The following CITED2 variants were observed in gnomAD, a reference collection of about 807,000 sequenced individuals.
CITED2 encodes the protein Cbp/p300 interacting transactivator with ED-rich tail 2, also known as cbp/p300-interacting transactivator 2.
In CITED2, 2 loss-of-function variants were observed where a neutral mutation model predicts 11.8. That is an observed-to-expected ratio of 0.17 (90% CI 0.07 to 0.54). CITED2 has a LOEUF of 0.54. Among genes scored for constraint, CITED2 ranks in the 20% least tolerant of loss-of-function variants. The probability of loss-of-function intolerance (pLI) is 0.94; values close to 1 mark genes in which losing one functional copy is unlikely to be tolerated. For synonymous variants in CITED2, 210 were observed against 153.0 expected, an observed-to-expected ratio of 1.37 and a Z score of -2.75; for missense variants, 437 against 390.2, an observed-to-expected ratio of 1.12 and a Z score of -1.01.
rs1778318140 is a variant in CITED2 at position 139,373,887 on chromosome 6, G to A, written c.58C>T (p.Leu20=). 6 of 1,601,212 alleles carry A rather than the reference G, an allele frequency of 3.7e-6. No homozygotes were observed. The highest frequency in any genetic ancestry group is 2.2e-5 in the East Asian group (1 of 44,862). ...ATGCGGTGGGCAGGGTGATGGTGCA[G>A]CCCATTGGTGCCGTCGGGGAAGCGC... ...HGRFPDGTNG[L]HHHPAHRMGM... The change falls in exon 2 of 2, where the codon CTG becomes TTG. Residue 20 remains leucine, a synonymous_variant. Transcript: ENST00000367651.
chr6:139,372,738 G>T lies in CITED2; in HGVS notation c.*394C>A. 1.3e-5 allele frequency: 3 copies of T among 228,254 alleles called. No individual in the cohort carries two copies. The highest frequency in any genetic ancestry group is 1.8e-5 in the Non-Finnish European group (2 of 111,256). 14.1% of individuals were successfully genotyped at this position (228,254 alleles called of 1,614,324 possible). A position where few individuals can be genotyped will look rare whatever the true frequency, so the allele number is the denominator to read the frequency against. On this transcript the variant is annotated 3_prime_UTR_variant, in exon 2 of 2. Coordinates refer to ENST00000367651, the MANE Select transcript of CITED2 (RefSeq NM_006079.5). Reference sequence around the variant, plus strand: ...ACTAATGCAATTTTTCCTTTCACTCGTAAATCTGAATGCAGTTCAGTCATT... The same window carrying T: ...ACTAATGCAATTTTTCCTTTCACTCTTAAATCTGAATGCAGTTCAGTCATT...
Position 139,373,427 on chromosome 6 carries a change from C to T in CITED2, c.518G>A (p.Ser173Asn). ...GCTGCCAGAGCCGCCGGGGGTGCTG[C>T]TGCCGCCCGAGCCGCCGGGGGTGCT... ...GSSTPGGSGG[S>N]STPGGSGSSS... is the part of the protein sequence containing the mutation. The change falls in exon 2 of 2, where the codon AGC becomes AAC. Residue 173 changes from serine to asparagine, a missense_variant. By Grantham distance (46) the Ser-to-Asn change is conservative (BLOSUM62 1). Around this residue, in one of 3 missense-constraint regions of CITED2, gnomAD observed 396 missense variants for 325.2 expected, o/e 1.22. Coordinates refer to ENST00000367651, the MANE Select transcript of CITED2 (RefSeq NM_006079.5). 1 of 1,526,436 alleles carries T rather than the reference C, an allele frequency of 6.6e-7. No individual in the cohort carries two copies. The highest frequency in any genetic ancestry group is 1.3e-5 in the South Asian group (1 of 76,500). The allele number at this position is 1,526,436 out of a possible 1,614,324, so 94.6% of individuals were successfully genotyped here.
intron 1 of CITED2, 192 bp from the exon 2 acceptor site, chr6:139,374,144 A>G: frequency 6.8e-7 from 1 of 1,469,858 alleles, no homozygotes; most frequent in Non-Finnish European, 9.0e-7. Context: ...CTCATAACAC[A>G]GCCGGACGCT....
In CITED2 at chr6:139,373,395, C is replaced by G. The variant is rs1778296067; in HGVS notation, c.550G>C (p.Gly184Arg). The change falls in exon 2 of 2, where the codon GGC (glycine) becomes CGC (arginine). Residue 184 changes from glycine to arginine, a missense_variant. This residue lies in a region of CITED2 where 396 missense variants were observed against 325.2 expected (regional missense o/e 1.22). Transcript: ENST00000367651. Reference sequence around the variant, plus strand: ...CTGTTGCTGCTGCCCGCGCCGCCGCCCGAGCTGCTGCCAGAGCCGCCGGGG... The same window carrying G: ...CTGTTGCTGCTGCCCGCGCCGCCGCGCGAGCTGCTGCCAGAGCCGCCGGGG... ...STPGGSGSSS[G>R]GGAGSSNSGG... The G allele has an allele frequency of 1.3e-6, 2 of 1,567,188 alleles. No individual in the cohort carries two copies. Among genetic ancestry groups the G allele is most frequent in the Non-Finnish European group, 1.7e-6 (2 of 1,159,650 alleles).
intron 1 of CITED2, 78 bp downstream of exon 1, chr6:139,374,335 G>A: frequency 6.2e-6 from 4 of 640,168 alleles, no homozygotes; most frequent in East Asian, 2.9e-5. Flanking sequence ...TTCGCCTCAC[G>A]CTCTTCCTCC....
chr6:139,372,989 A>T lies in CITED2; in HGVS notation c.*143T>A. The T allele has an allele frequency of 2.2e-6, 2 of 900,694 alleles. No homozygotes were observed. Among genetic ancestry groups the T allele is most frequent in the Non-Finnish European group, 3.6e-6 (2 of 560,832 alleles). 55.8% of individuals were successfully genotyped at this position (900,694 alleles called of 1,614,324 possible). On this transcript the variant is annotated 3_prime_UTR_variant, in exon 2 of 2. Coordinates refer to ENST00000367651, the MANE Select transcript of CITED2 (RefSeq NM_006079.5). ...GCAATTTTTTTTAAAACCAATTTGT[A>T]CAAGTTTATAGTTTACTTTGTTTCC...
chr6:139,372,343 ACT>A lies in CITED2; in HGVS notation c.*787_*788del, dbSNP rs1005380362. 2.0e-5 allele frequency: 3 copies of A among 152,688 alleles called. No homozygotes were observed. The highest frequency in any genetic ancestry group is 6.5e-5 in the Admixed American group (1 of 15,280). 9.5% of individuals were successfully genotyped at this position (152,688 alleles called of 1,614,324 possible). ...TCAAAAAAATGTTTTGTACAAAAAT[ACT>A]GTCAAAATTTCCTAAAAAGCTTTCA... On this transcript the variant is annotated 3_prime_UTR_variant, in exon 2 of 2. Coordinates refer to ENST00000367651, the MANE Select transcript of CITED2 (RefSeq NM_006079.5).
intron 1 of CITED2, 46 bp from the exon 2 acceptor site, chr6:139,373,998 G>C: frequency 6.4e-7 from 1 of 1,552,802 alleles, no homozygotes; most frequent in Non-Finnish European, 8.6e-7. Flanking sequence ...CACACGTGTC[G>C]CCCACCACAG....
In CITED2 at chr6:139,374,255, G is replaced by T. The variant is rs77653058; in HGVS notation, c.-9+158C>A. On this transcript the variant is annotated intron_variant, in intron 1 of 1. Transcript: ENST00000367651. ...AATAAAGGAAGTGCCCCGTAGCCCT[G>T]CTGCGAACTTCAGGCATTAAATCAG... is the stretch of plus-strand genomic sequence containing the variant. The T allele has an allele frequency of 1.4e-5, 19 of 1,326,750 alleles. No homozygotes were observed. In the African/African-American group the frequency reaches 2.4e-4, roughly 17 times the overall value. The allele number at this position is 1,326,750 out of a possible 1,614,324, so 82.2% of individuals were successfully genotyped here.
In CITED2 at chr6:139,373,168, G is replaced by C; in HGVS notation, c.777C>G (p.Phe259Leu). 6.2e-7 allele frequency: 1 copy of C among 1,614,196 alleles called. No homozygotes were observed. Among genetic ancestry groups the C allele is most frequent in the Non-Finnish European group, 8.5e-7 (1 of 1,180,032 alleles). Residue 259 changes from phenylalanine (F) to leucine (L), a missense_variant, in exon 2 of 2, where the codon TTC (phenylalanine) becomes TTG (leucine). Phe to Leu is a conservative substitution (Grantham distance 22). Coordinates refer to ENST00000367651, the MANE Select transcript of CITED2 (RefSeq NM_006079.5). ...CTCTGCTGGGCTGCTGTTTGCACAC[G>C]AAGTCCGTCATAAAATCAAACTCGT... Reference protein sequence around the residue: ...GQNEFDFMTDFVCKQQPSRVS... With the variant: ...GQNEFDFMTDLVCKQQPSRVS...
In CITED2 at chr6:139,372,291, AAATAG is replaced by A. The variant is rs1372421390; in HGVS notation, c.*836_*840del. On this transcript the variant is annotated 3_prime_UTR_variant, in exon 2 of 2. Transcript: ENST00000367651. ...ACTTTTTATTGACATTGGCAAATTA[AAATAG>A]AATAAATTAACAAGTATTTTTTCAA... 2.0e-5 allele frequency: 3 copies of A among 152,658 alleles called. No homozygotes were observed. Among genetic ancestry groups the A allele is most frequent in the East Asian group, 1.9e-4 (1 of 5,208 alleles). The allele number at this position is 152,658 out of a possible 1,614,324, so 9.5% of individuals were successfully genotyped here. A position where few individuals can be genotyped will look rare whatever the true frequency, so the allele number is the denominator to read the frequency against.
chr6:139,374,287 T>TCATCCTGTTGTTGCA (rs1383608051), intron 1 of CITED2, 126 bp downstream of exon 1: 4 of 991,526 alleles, frequency 4.0e-6, no homozygotes, highest in Non-Finnish European at 1.4e-6. Context: ...TCAGCCCTCC[T>TCATCCTGTTGTTGCA]CATCCTGTTG....
At position 139,372,890 on chromosome 6, in the gene CITED2, T is replaced by C; in HGVS notation, c.*242A>G. ...CGAAAAAGACCAAGTTAGCTAGATATTTCAACTACATAAGGGAGGTGGGTG... is the reference window on the plus strand; with the variant it reads ...CGAAAAAGACCAAGTTAGCTAGATACTTCAACTACATAAGGGAGGTGGGTG... On this transcript the variant is annotated 3_prime_UTR_variant, in exon 2 of 2. Transcript: ENST00000367651. 1 of 559,060 alleles carries C rather than the reference T, an allele frequency of 1.8e-6. No individual in the cohort carries two copies. Among genetic ancestry groups the C allele is most frequent in the Non-Finnish European group, 3.2e-6 (1 of 312,248 alleles). The allele number at this position is 559,060 out of a possible 1,614,324, so 34.6% of individuals were successfully genotyped here.
Position 139,373,125 on chromosome 6 carries a change from G to T in CITED2, c.*7C>A, listed in dbSNP as rs775105538. On this transcript the variant is annotated 3_prime_UTR_variant, in exon 2 of 2. Coordinates refer to ENST00000367651, the MANE Select transcript of CITED2 (RefSeq NM_006079.5). Reference sequence around the variant, plus strand: ...GTTTGATTTCTTTCGCCGGGGTTTCGATCGAGTCAACAGCTCACTCTGCTG... The same window carrying T: ...GTTTGATTTCTTTCGCCGGGGTTTCTATCGAGTCAACAGCTCACTCTGCTG... The T allele has an allele frequency of 2.7e-5, 44 of 1,613,296 alleles. No homozygotes were observed. In the Middle Eastern group the frequency reaches 3.1e-3, roughly 115 times the overall value.
Position 139,373,556 on chromosome 6 carries a change from G to A in CITED2, c.389C>T (p.Pro130Leu). ...NNQYFNHHPY[P>L]HNHYMPDLHP... ...CAAATCCGGCATGTAGTGGTTGTGG[G>A]GGTAGGGGTGATGGTTGAAATACTG... is the stretch of plus-strand genomic sequence containing the variant. The change falls in exon 2 of 2, where the codon CCC becomes CTC. Residue 130 changes from proline (P) to leucine (L), a missense_variant. This residue lies in a region of CITED2 where 396 missense variants were observed against 325.2 expected (regional missense o/e 1.22). Transcript: ENST00000367651. 6.2e-7 allele frequency: 1 copy of A among 1,614,134 alleles called. No individual in the cohort carries two copies. Among genetic ancestry groups the A allele is most frequent in the Non-Finnish European group, 8.5e-7 (1 of 1,179,998 alleles).
Position 139,373,949 on chromosome 6 carries a change from A to G in CITED2, c.-5T>C. On this transcript the variant is annotated 5_prime_UTR_variant, in exon 2 of 2. Coordinates refer to ENST00000367651, the MANE Select transcript of CITED2 (RefSeq NM_006079.5). ...GGCCATCATATGGTCTGCCATTTCC[A>G]GTCCTGGAAGTGAAAAGGGCAGATA... The G allele has an allele frequency of 2.5e-6, 4 of 1,597,608 alleles. No individual in the cohort carries two copies. Among genetic ancestry groups the G allele is most frequent in the Non-Finnish European group, 3.4e-6 (4 of 1,179,470 alleles).
In CITED2 at chr6:139,372,112, G is replaced by C. The variant is rs182524050; in HGVS notation, c.*1020C>G. On this transcript the variant is annotated 3_prime_UTR_variant, in exon 2 of 2. Transcript: ENST00000367651. ...CCAATTATGTTAAATCCTGCTCTCCGCTTAAGCTCATCATGACCTGTTTTA... is the reference window on the plus strand; with the variant it reads ...CCAATTATGTTAAATCCTGCTCTCCCCTTAAGCTCATCATGACCTGTTTTA... 6.6e-6 allele frequency: 1 copy of C among 151,748 alleles called. No individual in the cohort carries two copies. Among genetic ancestry groups the C allele is most frequent in the Non-Finnish European group, 1.5e-5 (1 of 68,000 alleles). The allele number at this position is 151,748 out of a possible 1,614,324, so 9.4% of individuals were successfully genotyped here. A position where few individuals can be genotyped will look rare whatever the true frequency, so the allele number is the denominator to read the frequency against.
chr6:139,373,870 G>C lies in CITED2; in HGVS notation c.75C>G (p.Ala25=). The C allele has an allele frequency of 1.2e-6, 2 of 1,602,934 alleles. No homozygotes were observed. The highest frequency in any genetic ancestry group is 1.7e-6 in the Non-Finnish European group (2 of 1,179,942). ...DGTNGLHHHP[A]HRMGMGQFPS... Reference sequence around the variant, plus strand: ...GGAACTGCCCCATGCCCATGCGGTGGGCAGGGTGATGGTGCAGCCCATTGG... The same window carrying C: ...GGAACTGCCCCATGCCCATGCGGTGCGCAGGGTGATGGTGCAGCCCATTGG... The change falls in exon 2 of 2, where the codon GCC becomes GCG. Residue 25 remains alanine (A), a synonymous_variant. Transcript: ENST00000367651.
Position 139,372,053 on chromosome 6 carries a change from A to C in CITED2, c.*1079T>G, listed in dbSNP as rs1250148802. 6.6e-6 allele frequency: 1 copy of C among 151,870 alleles called. No homozygotes were observed. The highest frequency in any genetic ancestry group is 6.6e-5 in the Admixed American group (1 of 15,260). 9.4% of individuals were successfully genotyped at this position (151,870 alleles called of 1,614,324 possible). On this transcript the variant is annotated 3_prime_UTR_variant, in exon 2 of 2. Coordinates refer to ENST00000367651, the MANE Select transcript of CITED2 (RefSeq NM_006079.5). ...CAGCTTTTGATTAAAGCACACCAAGAGGCATGTTACAATGATAACAATGAA... is the reference window on the plus strand; with the variant it reads ...CAGCTTTTGATTAAAGCACACCAAGCGGCATGTTACAATGATAACAATGAA...
Sources: gnomAD v4.1 joint callset for allele counts on GRCh38, gnomAD v4.1.1 for gene constraint, gnomAD v4.1.1 regional missense constraint, MANE v1.5 for transcripts, NCBI Gene and HGNC (gene_info 2026-07-23, HGNC 2026-07-21) for gene names.